CAMKK1: variants seen among roughly 807,000 people sequenced by gnomAD.
The protein encoded by CAMKK1 is calcium/calmodulin dependent protein kinase kinase 1, also known as calcium/calmodulin-dependent protein kinase kinase 1.
A neutral mutation model predicts 63.5 loss-of-function variants in CAMKK1; 20 were observed. The observed-to-expected ratio is 0.32, with a 90% confidence interval of 0.22 to 0.46. CAMKK1 has a LOEUF of 0.46. CAMKK1 is among the 20% of genes least tolerant of loss of function. The probability of loss-of-function intolerance (pLI) is 1.00; values close to 1 mark genes in which losing one functional copy is unlikely to be tolerated. For missense variants in CAMKK1, 588 were observed against 658.1 expected (o/e 0.89, Z 1.17); for synonymous variants, 253 against 269.0 (o/e 0.94, Z 0.58).
chr17:3,870,810 G>T (rs1032217743), intron 12 of CAMKK1, among the ~76,000 whole-genome samples: 1 of 152,088 alleles, frequency 6.6e-6, no homozygotes, highest in African/African-American at 2.4e-5. Flanking sequence ...TGGGCTGAGG[G>T]GAAAGACACC....
Position 3,883,427 on chromosome 17 carries a change from AC to A in CAMKK1, c.514+1del. 1.2e-6 allele frequency: 2 copies of A among 1,612,996 alleles called. No individual in the cohort carries two copies. Among genetic ancestry groups the A allele is most frequent in the Non-Finnish European group, 1.7e-6 (2 of 1,179,046 alleles). ...CCAGGGACAGGATCAGAAGATACAT[AC>A]GTGGAAAGCCATACTGCTTCAGTAA... On this transcript the variant is annotated splice_donor_variant, in intron 5 of 15. Coordinates refer to ENST00000348335, the MANE Select transcript of CAMKK1 (RefSeq NM_032294.3). LOFTEE classifies it high-confidence loss of function. This position sits in a 1 kb window ranked among gnomAD's most constrained non-coding sequence, Gnocchi z 4.7.
chr17:3,881,616 G>T lies in CAMKK1; in HGVS notation c.707+11C>A. 1.9e-6 allele frequency: 3 copies of T among 1,568,826 alleles called. No individual in the cohort carries two copies. The highest frequency in any genetic ancestry group is 2.3e-5 in the East Asian group (1 of 43,038). ...GAGAATTGACCTGCCTGATCAGGAC[G>T]GGGAACTCACCCCTTTCTCAGGAGG... On this transcript the variant is annotated intron_variant, in intron 8 of 15. Coordinates refer to ENST00000348335, the MANE Select transcript of CAMKK1 (RefSeq NM_032294.3).
intron 15 of CAMKK1, chr17:3,865,491 G>A (rs2054483678): frequency 2.0e-6 from 2 of 1,016,240 alleles, no homozygotes; most frequent in South Asian, 4.1e-5. Flanking sequence ...CAGCCCGCCA[G>A]CCTCCTACAG....
chr17:3,887,047 G>A lies in CAMKK1; in HGVS notation c.-43-1317C>T, dbSNP rs1037891566. Among the ~76,000 whole-genome samples the A allele has an allele frequency of 6.6e-6, 1 of 152,132 alleles. No homozygotes were observed. Among genetic ancestry groups the A allele is most frequent in the African/African-American group, 2.4e-5 (1 of 41,416 alleles). ...CGCATGGTGAAGCGCCTGCTCTACCGCTCGTTCCCCATCCCCTTGCTTTGA... is the reference window on the plus strand; with the variant it reads ...CGCATGGTGAAGCGCCTGCTCTACCACTCGTTCCCCATCCCCTTGCTTTGA... On this transcript the variant is annotated intron_variant, in intron 1 of 15. Coordinates refer to ENST00000348335, the MANE Select transcript of CAMKK1 (RefSeq NM_032294.3). The surrounding 1 kb of genome is among the most constrained non-coding windows in gnomAD (Gnocchi z 6.1).
chr17:3,883,017 C>A lies in CAMKK1; in HGVS notation c.648+25G>T, dbSNP rs745820469. ...TCCCATGAGACTCAGGTGCTGGTTC[C>A]CACCTGCTCACCACCACCCCCTACC... On this transcript the variant is annotated intron_variant, in intron 6 of 15. Transcript: ENST00000348335. This position sits in a 1 kb window ranked among gnomAD's most constrained non-coding sequence, Gnocchi z 4.7. The A allele has an allele frequency of 6.2e-7, 1 of 1,612,224 alleles. No individual in the cohort carries two copies. The highest frequency in any genetic ancestry group is 8.5e-7 in the Non-Finnish European group (1 of 1,178,962).
intron 9 of CAMKK1, among the ~76,000 whole-genome samples, chr17:3,877,495 C>T (rs191007923): frequency 2.6e-5 from 4 of 152,212 alleles, no homozygotes; most frequent in Admixed American, 6.5e-5. Context: ...GACCCCATCC[C>T]GCGACCATCG....
At chr17:3,870,640 C>T (rs556292599) in intron 12 of CAMKK1, among the ~76,000 whole-genome samples, 1 of 152,242 alleles carries the variant, frequency 6.6e-6, no homozygotes, top group African/African-American at 2.4e-5. Flanking sequence ...GCTGGGATTA[C>T]AGGCGTGAGC....
rs1467841758 is a variant in CAMKK1 at position 3,860,327 on chromosome 17, T to C, written c.*1884A>G. ...GTACGCACAAACCTTTTTTTTTTCT[T>C]TTTAACTCAAGAAAGGGCTTTTATT... is the stretch of plus-strand genomic sequence containing the variant. On this transcript the variant is annotated 3_prime_UTR_variant, in exon 16 of 16. Transcript: ENST00000348335. 6.5e-6 allele frequency: 1 copy of C among 152,672 alleles called. No individual in the cohort carries two copies. The highest frequency in any genetic ancestry group is 1.5e-5 in the Non-Finnish European group (1 of 68,042). 9.5% of individuals were successfully genotyped at this position (152,672 alleles called of 1,614,324 possible).
At chr17:3,865,681 G>A in intron 15 of CAMKK1, 4 of 1,401,676 alleles carry the variant, frequency 2.9e-6, no homozygotes, top group Non-Finnish European at 3.7e-6. Context: ...AAGTGTGTGT[G>A]TGAGGGATGC....
chr17:3,866,679 G>A (rs1422459734), intron 14 of CAMKK1, among the ~76,000 whole-genome samples: 1 of 151,548 alleles, frequency 6.6e-6, no homozygotes, highest in Non-Finnish European at 1.5e-5. Context: ...ACTACTCTAG[G>A]CCCTGGGGCC....
At chr17:3,863,528 C>T (rs1567607964) in intron 15 of CAMKK1, among the ~76,000 whole-genome samples, 1 of 152,080 alleles carries the variant, frequency 6.6e-6, no homozygotes, top group Non-Finnish European at 1.5e-5. Flanking sequence ...CCAAAGCAGT[C>T]TATCAAGGAT....
chr17:3,868,775 C>A (rs558551383), intron 14 of CAMKK1, among the ~76,000 whole-genome samples: 70 of 151,982 alleles, frequency 4.6e-4, no homozygotes, highest in Non-Finnish European at 8.8e-5. Flanking sequence ...GCCTCGGCCT[C>A]CCCAGTAGCT....
At chr17:3,870,217 T>A (rs2054779369) in intron 12 of CAMKK1, among the ~76,000 whole-genome samples, 1 of 151,962 alleles carries the variant, frequency 6.6e-6, no homozygotes, top group South Asian at 2.1e-4. Flanking sequence ...TCCTCTCTCA[T>A]TTGACAGAGG....
Position 3,871,340 on chromosome 17 carries a change from T to G in CAMKK1, c.1124+1214A>C, listed in dbSNP as rs1396594085. Among the ~76,000 whole-genome samples the G allele has an allele frequency of 2.6e-3, 209 of 79,042 alleles. 4 individuals are homozygous for G. The highest frequency in any genetic ancestry group is 0.013 in the African/African-American group (199 of 14,872). 51.9% of individuals were successfully genotyped at this position (79,042 alleles called of 152,430 possible). A position where few individuals can be genotyped will look rare whatever the true frequency, so the allele number is the denominator to read the frequency against. ...TTTTGTTTGTTGTTTTTTGTTTTTT[T>G]TTTTTTGTTTTTTTTTTTTTTTTTT... On this transcript the variant is annotated intron_variant, in intron 12 of 15. Coordinates refer to ENST00000348335, the MANE Select transcript of CAMKK1 (RefSeq NM_032294.3).
At chr17:3,864,476 G>A (rs902109721) in intron 15 of CAMKK1, among the ~76,000 whole-genome samples, 3 of 149,884 alleles carry the variant, frequency 2.0e-5, no homozygotes, top group Non-Finnish European at 4.4e-5. Flanking sequence ...TCGATCTCCT[G>A]ACCCTGTGAT....
Position 3,884,363 on chromosome 17 carries a change from G to C in CAMKK1, c.408+17C>G. On this transcript the variant is annotated intron_variant, in intron 3 of 15. Transcript: ENST00000348335. This position sits in a 1 kb window ranked among gnomAD's most constrained non-coding sequence, Gnocchi z 4.5. The stretch of plus-strand genomic sequence containing the variant: ...GAATCCCGAAGCCCCCACTGCTCTC[G>C]GCCTGCCCACTCCTACCTTGCCAAT... The C allele has an allele frequency of 1.9e-6, 3 of 1,613,412 alleles. No individual in the cohort carries two copies. The Admixed American group carries it at 5.0e-5, about 27-fold the overall frequency.
At chr17:3,874,711 G>A (rs1055128467) in intron 10 of CAMKK1, among the ~76,000 whole-genome samples, 6 of 151,066 alleles carry the variant, frequency 4.0e-5, no homozygotes, top group Non-Finnish European at 5.9e-5. Flanking sequence ...GTTTCACCAC[G>A]TTGGCCAGGC....
In CAMKK1 at chr17:3,869,601, C is replaced by T. The variant is rs1186014792; in HGVS notation, c.1227G>A (p.Val409=). The change falls in exon 14 of 16, where the codon GTG becomes GTA. Residue 409 remains valine, a synonymous_variant. Coordinates refer to ENST00000348335, the MANE Select transcript of CAMKK1 (RefSeq NM_032294.3). Reference sequence around the variant, plus strand: ...GAAGGGGCTCCTCCCCGTTCTTGGTCACCCAAGGGTGCAACTGTCGGGGCC... The same window carrying T: ...GAAGGGGCTCCTCCCCGTTCTTGGTTACCCAAGGGTGCAACTGTCGGGGCC... ...GVPDIKLHPW[V]TKNGEEPLPS... 2 of 1,614,082 alleles carry T rather than the reference C, an allele frequency of 1.2e-6. No homozygotes were observed. The highest frequency in any genetic ancestry group is 1.7e-6 in the Non-Finnish European group (2 of 1,180,038).
At chr17:3,869,404 C>T in intron 14 of CAMKK1, 83 bp downstream of exon 14, 1 of 1,561,056 alleles carries the variant, frequency 6.4e-7, no homozygotes, top group Non-Finnish European at 8.7e-7. Context: ...AGGCCTCTGT[C>T]CCCCCAAGGA....
Sources: gnomAD v4.1 joint callset for allele counts (sites outside exome capture counted in the v4.1 genomes callset) on GRCh38, gnomAD v4.1.1 for gene constraint, Gnocchi (gnomAD v3.1) non-coding constraint, MANE v1.5 for transcripts, NCBI Gene and HGNC (gene_info 2026-07-23, HGNC 2026-07-21) for gene names.